The following CACNA1E variants were observed in gnomAD, a reference collection of about 807,000 sequenced individuals.
The protein encoded by CACNA1E is calcium voltage-gated channel subunit alpha1 E.
In CACNA1E, 40 loss-of-function variants were observed where a neutral mutation model predicts 259.2. That is an observed-to-expected ratio of 0.15 (90% CI 0.12 to 0.20). The LOEUF is 0.20. Among genes scored for constraint, CACNA1E ranks in the 10% least tolerant of loss-of-function variants. The probability of loss-of-function intolerance (pLI) is 1.00; values close to 1 mark genes in which losing one functional copy is unlikely to be tolerated. For missense variants in CACNA1E, 1,874 were observed against 3,040.1 expected, an observed-to-expected ratio of 0.62 and a Z score of 9.02; for synonymous variants, 1,104 against 1,138.5, an observed-to-expected ratio of 0.97 and a Z score of 0.61.
At chr1:181,676,802 T>C (rs1363944582) in intron 7 of CACNA1E, among the ~76,000 whole-genome samples, 1 of 152,236 alleles carries the variant, frequency 6.6e-6, no homozygotes, top group Non-Finnish European at 1.5e-5. Context: ...ATTAAGTTTT[T>C]AGCTTCTTTC....
intron 1 of CACNA1E, among the ~76,000 whole-genome samples, chr1:181,347,627 G>A (rs984771328): frequency 6.6e-6 from 1 of 152,176 alleles, no homozygotes; most frequent in Non-Finnish European, 1.5e-5. Flanking sequence ...CCAGTGACTC[G>A]GGGTTTGTTG....
At chr1:181,443,165 G>GA (rs1660603417) in intron 2 of CACNA1E, among the ~76,000 whole-genome samples, 1 of 152,250 alleles carries the variant, frequency 6.6e-6, no homozygotes, top group East Asian at 1.9e-4. Flanking sequence ...CAAACTATGG[G>GA]AAAAAATCTC....
At chr1:181,357,202 G>A (rs772414348) in intron 1 of CACNA1E, among the ~76,000 whole-genome samples, 4 of 152,074 alleles carry the variant, frequency 2.6e-5, no homozygotes, top group Non-Finnish European at 5.9e-5. Flanking sequence ...CACTGGTCTG[G>A]GGCAGGTCTC....
chr1:181,733,287 C>T (rs544003934), intron 20 of CACNA1E, 150 bp from the exon 21 acceptor site: 5 of 792,242 alleles, frequency 6.3e-6, no homozygotes, highest in South Asian at 2.1e-5. Context: ...GGTCTTAGCA[C>T]CTCTCTGCCT....
chr1:181,665,882 C>T, intron 7 of CACNA1E, among the ~76,000 whole-genome samples: 1 of 152,116 alleles, frequency 6.6e-6, no homozygotes, highest in East Asian at 1.9e-4. Flanking sequence ...GTGTCTTAAG[C>T]TTAGGATGCC....
intron 3 of CACNA1E, among the ~76,000 whole-genome samples, chr1:181,554,560 CTAA>C (rs1466193244): frequency 2.0e-5 from 3 of 152,140 alleles, no homozygotes; most frequent in Non-Finnish European, 4.4e-5. Flanking sequence ...ATGCTAATTC[CTAA>C]TAATAAGAAA....
At chr1:181,791,507 A>G (rs1260978250) in intron 44 of CACNA1E, among the ~76,000 whole-genome samples, 1 of 152,140 alleles carries the variant, frequency 6.6e-6, no homozygotes, top group African/African-American at 2.4e-5. Flanking sequence ...TGAGAGACCT[A>G]TTGAGTCAAG....
At chr1:181,521,825 G>A (rs1362268687) in intron 3 of CACNA1E, among the ~76,000 whole-genome samples, 2 of 152,150 alleles carry the variant, frequency 1.3e-5, no homozygotes, top group Non-Finnish European at 2.9e-5. Flanking sequence ...AGGATGAGGA[G>A]AGTTCCAGGC....
At position 181,335,580 on chromosome 1, in the gene CACNA1E, G is replaced by A. The variant is rs1651646164; in HGVS notation, c.-15+17457G>A. 3.9e-5 allele frequency among the ~76,000 whole-genome samples: 6 copies of A among 152,314 alleles called. No individual in the cohort carries two copies. The South Asian group carries it at 1.2e-3, about 32-fold the overall frequency. On this transcript the variant is annotated intron_variant, in intron 1 of 11. Coordinates refer to the CACNA1E transcript ENST00000524607. ...CAGGTTTTCAGCTGTGCATGCTGCT[G>A]TAGTTTTAATCCAAGGCCTGCATCC...
At chr1:181,449,428 T>C (rs1661006008) in intron 2 of CACNA1E, among the ~76,000 whole-genome samples, 1 of 152,236 alleles carries the variant, frequency 6.6e-6, no homozygotes, top group Non-Finnish European at 1.5e-5. Flanking sequence ...CCAATTTGGG[T>C]ACTGCTCTGA....
intron 2 of CACNA1E, among the ~76,000 whole-genome samples, chr1:181,472,366 A>T (rs1000982594): frequency 1.3e-5 from 2 of 152,242 alleles, no homozygotes; most frequent in African/African-American, 4.8e-5. Context: ...GTGTTAAATA[A>T]GTAGATATCA....
intron 2 of CACNA1E, among the ~76,000 whole-genome samples, chr1:181,466,561 A>C (rs76976619): frequency 6.8e-5 from 3 of 44,146 alleles, no homozygotes; most frequent in Admixed American, 2.1e-4. Flanking sequence ...CAAAACAAAA[A>C]ATAAAACAAA....
chr1:181,766,642 G>GA, intron 35 of CACNA1E, 31 bp downstream of exon 35: 1 of 1,504,102 alleles, frequency 6.6e-7, no homozygotes, highest in Non-Finnish European at 9.2e-7. Flanking sequence ...CCCGGTGGGG[G>GA]ACAGCTGTTA....
intron 1 of CACNA1E, among the ~76,000 whole-genome samples, chr1:181,340,895 A>G (rs1411438925): frequency 1.3e-5 from 2 of 152,102 alleles, no homozygotes; most frequent in African/African-American, 2.4e-5. Context: ...TTTGTCTACA[A>G]ACTGTTTTAT....
At chr1:181,554,672 G>A (rs1335644046) in intron 3 of CACNA1E, among the ~76,000 whole-genome samples, 1 of 152,184 alleles carries the variant, frequency 6.6e-6, no homozygotes, top group Non-Finnish European at 1.5e-5. Flanking sequence ...TGATCATCCT[G>A]CTTTCTCGTT....
intron 25 of CACNA1E, among the ~76,000 whole-genome samples, chr1:181,743,153 C>T (rs539162357): frequency 1.3e-5 from 2 of 152,236 alleles, no homozygotes; most frequent in Admixed American, 1.3e-4. Flanking sequence ...TTCGTTATTC[C>T]GCTGCCCTGA....
intron 3 of CACNA1E, among the ~76,000 whole-genome samples, chr1:181,557,794 C>G (rs1057437292): frequency 6.6e-6 from 1 of 152,164 alleles, no homozygotes; most frequent in Non-Finnish European, 1.5e-5. Flanking sequence ...CTCAGCGGCA[C>G]TCTGTGGGGA....
At position 181,802,156 on chromosome 1, in the gene CACNA1E, C is replaced by CA. The variant is rs534879877; in HGVS notation, c.*3323dup. ...AATTTCCTGCCCCGTGAAGGGCTGG[C>CA]ACCAGCTAGCATCCCCTTGGCTCCA... On this transcript the variant is annotated 3_prime_UTR_variant, in exon 48 of 48. Transcript: ENST00000367573. 2.0e-5 allele frequency: 3 copies of CA among 152,240 alleles called. No homozygotes were observed. The highest frequency in any genetic ancestry group is 2.9e-5 in the Non-Finnish European group (2 of 68,044). 9.4% of individuals were successfully genotyped at this position (152,240 alleles called of 1,614,324 possible).
intron 6 of CACNA1E, among the ~76,000 whole-genome samples, chr1:181,647,387 G>A (rs1309771603): frequency 1.3e-5 from 2 of 152,138 alleles, no homozygotes; most frequent in African/African-American, 4.8e-5. Context: ...AGGAGCTTGC[G>A]AGAACTGCCA....
Sources: allele counts gnomAD v4.1 joint callset (sites outside exome capture counted in the v4.1 genomes callset), GRCh38; gene constraint gnomAD v4.1.1; transcripts MANE v1.5; gene names NCBI Gene and HGNC (gene_info 2026-07-23, HGNC 2026-07-21).